Variants in GNB1 observed in about 807,000 individuals in gnomAD.
GNB1 encodes G protein subunit beta 1.
In GNB1, 2 loss-of-function variants were observed where a neutral mutation model predicts 42.9. That is an observed-to-expected ratio of 0.05 (90% confidence interval 0.02 to 0.15). The LOEUF (loss-of-function observed/expected upper bound fraction) is 0.15, where lower values mean the gene tolerates loss of function less well. Among genes scored for constraint, GNB1 ranks in the 10% least tolerant of loss-of-function variants. GNB1 has a pLI of 1.00. For synonymous variants in GNB1, 183 were observed against 174.7 expected, an observed-to-expected ratio of 1.05 and a Z score of -0.38; for missense variants, 193 against 462.2, an observed-to-expected ratio of 0.42 and a Z score of 5.34.
intron 7 of GNB1, among the ~76,000 whole-genome samples, chr1:1,803,892 G>C (rs1646658889): frequency 6.7e-6 from 1 of 148,736 alleles, no homozygotes. Context: ...TGAGGCAGGA[G>C]AATCGCTTGA....
chr1:1,792,388 G>A (rs1222589929), intron 8 of GNB1, among the ~76,000 whole-genome samples: 1 of 152,118 alleles, frequency 6.6e-6, no homozygotes, highest in East Asian at 1.9e-4. Flanking sequence ...GGTACTTTGA[G>A]CCTGATTGTA....
At chr1:1,878,037 G>A (rs2101851994) in intron 1 of GNB1, among the ~76,000 whole-genome samples, 1 of 152,308 alleles carries the variant, frequency 6.6e-6, no homozygotes, top group Non-Finnish European at 1.5e-5. Flanking sequence ...GGCTCCAGGA[G>A]CAATGACCCA....
chr1:1,864,271 G>A (rs1473751837), intron 1 of GNB1, among the ~76,000 whole-genome samples: 2 of 124,240 alleles, frequency 1.6e-5, no homozygotes, highest in African/African-American at 2.9e-5. Flanking sequence ...TGCCAAGATC[G>A]TGCCACTGCA....
intron 1 of GNB1, among the ~76,000 whole-genome samples, chr1:1,872,981 T>C (rs1054774289): frequency 3.3e-5 from 5 of 151,944 alleles, no homozygotes; most frequent in Admixed American, 2.0e-4. Flanking sequence ...TGATGAAAAA[T>C]GGCCACGGTT....
Position 1,890,912 on chromosome 1 carries a change from CG to C in GNB1, c.-189del, listed in dbSNP as rs1476711509. 2.7e-5 allele frequency: 4 copies of C among 147,308 alleles called. No individual in the cohort carries two copies. Among genetic ancestry groups the C allele is most frequent in the Admixed American group, 6.8e-5 (1 of 14,766 alleles). 9.1% of individuals were successfully genotyped at this position (147,308 alleles called of 1,614,324 possible). On this transcript the variant is annotated 5_prime_UTR_variant, in exon 1 of 12. Transcript: ENST00000378609. ...CGCTCGGGCCGCGCTGCGCGCTCCG[CG>C]GGCGCTGCGGGCAGGTGCGCGCCGG...
intron 1 of GNB1, among the ~76,000 whole-genome samples, chr1:1,867,950 A>C (rs909299290): frequency 6.6e-6 from 1 of 152,102 alleles, no homozygotes; most frequent in African/African-American, 2.4e-5. Flanking sequence ...TGTTCCACTT[A>C]CCTATAATAC....
At chr1:1,800,873 T>A (rs1209063479) in intron 7 of GNB1, among the ~76,000 whole-genome samples, 2 of 151,770 alleles carry the variant, frequency 1.3e-5, no homozygotes, top group South Asian at 4.1e-4. Context: ...AAATGAACAC[T>A]AAGTGCTTTG....
At chr1:1,852,920 T>C (rs535826848) in intron 1 of GNB1, among the ~76,000 whole-genome samples, 12 of 152,236 alleles carry the variant, frequency 7.9e-5, no homozygotes, top group Non-Finnish European at 1.8e-4. Context: ...CCTTATTCCC[T>C]TTCCCTGAAT....
intron 1 of GNB1, among the ~76,000 whole-genome samples, chr1:1,858,695 C>T (rs983116127): frequency 1.1e-4 from 17 of 152,298 alleles, no homozygotes; most frequent in African/African-American, 4.1e-4. Context: ...TCTCAGAGGA[C>T]ACCGAAAGAC....
intron 1 of GNB1, among the ~76,000 whole-genome samples, chr1:1,862,148 G>A (rs537160814): frequency 6.6e-6 from 1 of 152,326 alleles, no homozygotes; most frequent in African/African-American, 2.4e-5. Context: ...CTTGAACCAA[G>A]GAGATGAAAG....
At chr1:1,843,095 T>C (rs903729918) in intron 1 of GNB1, among the ~76,000 whole-genome samples, 2 of 152,224 alleles carry the variant, frequency 1.3e-5, no homozygotes, top group East Asian at 3.8e-4. Context: ...AGTTGAGAAC[T>C]CTTCAACTGT....
chr1:1,808,384 AC>A (rs140880133), intron 5 of GNB1, among the ~76,000 whole-genome samples: 8,146 of 152,228 alleles, frequency 0.054, 301 homozygotes, highest in Non-Finnish European at 0.078. Context: ...GGAGCTCCAT[AC>A]TACAAAGGAG....
chr1:1,875,384 G>A (rs1649487105), intron 1 of GNB1, among the ~76,000 whole-genome samples: 1 of 152,036 alleles, frequency 6.6e-6, no homozygotes, highest in Admixed American at 6.6e-5. Context: ...GCAGAGACGG[G>A]GTTTTCACAT....
Position 1,808,153 on chromosome 1 carries a change from C to T in GNB1, c.204-1615G>A, listed in dbSNP as rs908308682. Among the ~76,000 whole-genome samples the T allele has an allele frequency of 1.2e-4, 18 of 152,068 alleles. No individual in the cohort carries two copies. The South Asian group carries it at 3.3e-3, about 28-fold the overall frequency. On this transcript the variant is annotated intron_variant, in intron 5 of 11. Coordinates refer to ENST00000378609, the MANE Select transcript of GNB1 (RefSeq NM_002074.5). ...CAAAGTAGCTGGGATTACAGACACG[C>T]GCCACCACAGCCAGCTAATTTTGTA...
intron 5 of GNB1, among the ~76,000 whole-genome samples, chr1:1,812,482 C>T (rs1462792201): frequency 2.6e-5 from 4 of 151,916 alleles, no homozygotes; most frequent in African/African-American, 9.7e-5. Context: ...ACTGGCCTAT[C>T]CAGAAAAAAA....
In GNB1 at chr1:1,805,255, T is replaced by G. The variant is rs541364277; in HGVS notation, c.268-674A>C. Among the ~76,000 whole-genome samples, 16 of 152,158 alleles carry G rather than the reference T, an allele frequency of 1.1e-4. No individual in the cohort carries two copies. In the East Asian group the frequency reaches 2.3e-3, roughly 22 times the overall value. On this transcript the variant is annotated intron_variant, in intron 6 of 11. Transcript: ENST00000378609. ...GGGTGGATCACCTGAGGTCAGGAAT[T>G]CGAGACCAGCCTGGCCTCAAATTGG...
intron 1 of GNB1, among the ~76,000 whole-genome samples, chr1:1,880,513 G>A (rs1649785197): frequency 6.6e-6 from 1 of 152,032 alleles, no homozygotes. Context: ...GTGAACCCGG[G>A]AGGCGGAGCT....
chr1:1,834,667 C>CTT (rs746491020), intron 2 of GNB1, among the ~76,000 whole-genome samples: 1,680 of 126,272 alleles, frequency 0.013, 30 homozygotes, highest in South Asian at 0.019. Flanking sequence ...ACTCCAAGCA[C>CTT]TTTTTTTTTT....
At chr1:1,794,814 C>T (rs1646525350) in intron 7 of GNB1, among the ~76,000 whole-genome samples, 1 of 152,132 alleles carries the variant, frequency 6.6e-6, no homozygotes, top group Non-Finnish European at 1.5e-5. Context: ...CTCAGCCTCC[C>T]AAGTAGCTGG....
Sources: gnomAD v4.1 joint callset for allele counts (sites outside exome capture counted in the v4.1 genomes callset) on GRCh38, gnomAD v4.1.1 for gene constraint, MANE v1.5 for transcripts, NCBI Gene and HGNC (gene_info 2026-07-23, HGNC 2026-07-21) for gene names.